The following PIGR variants were observed in gnomAD, a reference collection of about 807,000 sequenced individuals.
PIGR encodes the protein polymeric immunoglobulin receptor.
Under a neutral mutation model 69.5 loss-of-function variants are expected in PIGR, and 22 were observed. The ratio of observed to expected loss-of-function variants is 0.32; its 90% CI spans 0.23 to 0.45. The LOEUF is 0.45. PIGR is among the 20% of genes least tolerant of loss of function. PIGR has a pLI of 1.00. For missense variants in PIGR, 885 were observed against 974.0 expected (o/e 0.91, Z 1.22); for synonymous variants, 413 against 407.6 (o/e 1.01, Z -0.16).
At chr1:206,933,579 A>G (rs573097683) in intron 6 of PIGR, among the ~76,000 whole-genome samples, 2 of 152,348 alleles carry the variant, frequency 1.3e-5, no homozygotes, top group South Asian at 4.1e-4. Flanking sequence ...TCCAGACCCA[A>G]TAGGATTTCT....
chr1:206,944,409 G>A (rs1680061256), intron 1 of PIGR, among the ~76,000 whole-genome samples: 1 of 152,136 alleles, frequency 6.6e-6, no homozygotes, highest in East Asian at 1.9e-4. Flanking sequence ...GGAGGTGGAG[G>A]TTGCAGTAAG....
chr1:206,934,369 AAGTCC>A, intron 6 of PIGR, 46 bp downstream of exon 6: 1 of 1,491,110 alleles, frequency 6.7e-7, no homozygotes, highest in Middle Eastern at 1.9e-4. Context: ...GGCCTTCAGG[AAGTCC>A]TGCCTCTGGG....
At chr1:206,937,785 C>T in intron 3 of PIGR, 34 bp from the exon 4 acceptor site, 3 of 1,593,188 alleles carry the variant, frequency 1.9e-6, no homozygotes, top group Non-Finnish European at 1.7e-6. Context: ...AGGGGGCAGG[C>T]AAGTTACGAT....
intron 1 of PIGR, among the ~76,000 whole-genome samples, chr1:206,944,343 T>C (rs532534): frequency 0.57 from 86,510 of 151,862 alleles, 27,157 homozygotes; most frequent in African/African-American, 0.86. Flanking sequence ...TGTGGTGGCA[T>C]GGGTCTGTAA....
intron 8 of PIGR, 104 bp downstream of exon 8, chr1:206,932,352 G>A: frequency 7.6e-7 from 1 of 1,317,766 alleles, no homozygotes. Context: ...CTTTGTTTTA[G>A]CTCATGAAAA....
In PIGR at chr1:206,931,722, T is replaced by G; in HGVS notation, c.2089A>C (p.Asn697His). 2.5e-6 allele frequency: 4 copies of G among 1,614,170 alleles called. No individual in the cohort carries two copies. The highest frequency in any genetic ancestry group is 3.4e-6 in the Non-Finnish European group (4 of 1,180,014). Residue 697 changes from asparagine (N) to histidine (H), a missense_variant, in exon 9 of 11, where the codon AAC becomes CAC. Physicochemically the swap from Asn to His is moderately conservative, Grantham distance 68. Coordinates refer to ENST00000356495, the MANE Select transcript of PIGR (RefSeq NM_002644.4). ...ENSREFGANDNMGASSITQET... is the reference protein window; with the variant it reads ...ENSREFGANDHMGASSITQET... ...TGAGTGATCGAAGAGGCTCCCATGTTGTCATTGGCTCCAAATTCCCTGGAG... is the reference window on the plus strand; with the variant it reads ...TGAGTGATCGAAGAGGCTCCCATGTGGTCATTGGCTCCAAATTCCCTGGAG...
rs1055440575 is a variant in PIGR, at chr1:206,931,572, G to C, written c.2141-17C>G. 1.9e-6 allele frequency: 3 copies of C among 1,613,628 alleles called. No homozygotes were observed. The highest frequency in any genetic ancestry group is 1.7e-5 in the Admixed American group (1 of 59,968). On this transcript the variant is annotated splice_polypyrimidine_tract_variant and intron_variant, in intron 9 of 10. Coordinates refer to ENST00000356495, the MANE Select transcript of PIGR (RefSeq NM_002644.4). The stretch of plus-strand genomic sequence containing the variant: ...CAACAAACTCTGTGTGAAGAAAGAG[G>C]GTAGGTTAGCCCTTACTAGCCTCCT...
In PIGR at chr1:206,932,477, C is replaced by G; in HGVS notation, c.1987G>C (p.Ala663Pro). 1 of 1,612,532 alleles carries G rather than the reference C, an allele frequency of 6.2e-7. No homozygotes were observed. The highest frequency in any genetic ancestry group is 8.5e-7 in the Non-Finnish European group (1 of 1,179,846). ...VGAVAVGVAR[A>P]RHRKNVDRVS... The stretch of plus-strand genomic sequence containing the variant: ...TCACCGACGTTCTTCCTGTGCCGGG[C>G]TCTGGCCACCCCCACAGCCACGGCT... Residue 663 changes from alanine (A) to proline (P), a missense_variant, in exon 8 of 11, where the codon GCC becomes CCC. Physicochemically the swap from Ala to Pro is conservative, Grantham distance 27. Coordinates refer to ENST00000356495, the MANE Select transcript of PIGR (RefSeq NM_002644.4).
Position 206,937,725 on chromosome 1 carries a change from C to T in PIGR, c.415G>A (p.Val139Ile). Residue 139 changes from valine (V) to isoleucine (I), a missense_variant, in exon 4 of 11, where the codon GTC becomes ATC. Coordinates refer to ENST00000356495, the MANE Select transcript of PIGR (RefSeq NM_002644.4). ...GTTCTGCCCAGGTCCACTGTGTAGACTTTAGTGTCATTTAGGAGCCCAGGA... is the reference window on the plus strand; with the variant it reads ...GTTCTGCCCAGGTCCACTGTGTAGATTTTAGTGTCATTTAGGAGCCCAGGA... ...QGPGLLNDTK[V>I]YTVDLGRTVT... 6.2e-7 allele frequency: 1 copy of T among 1,613,956 alleles called. No individual in the cohort carries two copies. The highest frequency in any genetic ancestry group is 1.1e-5 in the South Asian group (1 of 91,020).
rs151098348 is a variant in PIGR, at chr1:206,937,688, T to C, written c.452A>G (p.Asn151Ser). 6.8e-6 allele frequency: 11 copies of C among 1,613,924 alleles called. No homozygotes were observed. The highest frequency in any genetic ancestry group is 1.3e-5 in the African/African-American group (1 of 74,926). The change falls in exon 4 of 11, where the codon AAC becomes AGC. Residue 151 changes from asparagine (N) to serine (S), a missense_variant. Transcript: ENST00000356495. ...AGCATTCTCAGTCTTGAAAGGGCAG[T>C]TGATGGTCACCGTTCTGCCCAGGTC... ...TVDLGRTVTI[N>S]CPFKTENAQK...
intron 1 of PIGR, among the ~76,000 whole-genome samples, chr1:206,940,806 C>T (rs1679967711): frequency 6.6e-6 from 1 of 152,234 alleles, no homozygotes; most frequent in African/African-American, 2.4e-5. Flanking sequence ...GTCTTCTCAA[C>T]TAAGCTGCAA....
At position 206,944,118 on chromosome 1, in the gene PIGR, G is replaced by A. The variant is rs1481760307; in HGVS notation, c.-54+2218C>T. Among the ~76,000 whole-genome samples the A allele has an allele frequency of 2.0e-5, 3 of 152,216 alleles. No individual in the cohort carries two copies. The East Asian group carries it at 5.8e-4, about 29-fold the overall frequency. On this transcript the variant is annotated intron_variant, in intron 1 of 10. Transcript: ENST00000356495. Reference sequence around the variant, plus strand: ...GGAAGAAGCAGGATATTCAATCTTAGCGAACTGAGAATTTGTTCAGTTCTT... The same window carrying A: ...GGAAGAAGCAGGATATTCAATCTTAACGAACTGAGAATTTGTTCAGTTCTT...
In PIGR at chr1:206,933,158, C is replaced by T. The variant is rs549356645; in HGVS notation, c.1714G>A (p.Asp572Asn). The change falls in exon 7 of 11, where the codon GAT becomes AAT. Residue 572 changes from aspartate (D) to asparagine (N), a missense_variant. Asp to Asn is a conservative substitution (Grantham distance 23). Transcript: ENST00000356495. ...GCGTCTGCCTTCGCTAGGCTGACATCGCGGGACCCTGCAGCAGGGAAGAGT... is the reference window on the plus strand; with the variant it reads ...GCGTCTGCCTTCGCTAGGCTGACATTGCGGGACCCTGCAGCAGGGAAGAGT... ...VEERKAAGSR[D>N]VSLAKADAAP... 5.6e-6 allele frequency: 9 copies of T among 1,614,074 alleles called. No individual in the cohort carries two copies. The highest frequency in any genetic ancestry group is 1.3e-5 in the African/African-American group (1 of 75,030).
At chr1:206,939,084 T>G in intron 3 of PIGR, 35 bp downstream of exon 3, 1 of 1,548,638 alleles carries the variant, frequency 6.5e-7, no homozygotes, top group Non-Finnish European at 8.8e-7. Context: ...TCCCTCTAAC[T>G]TTCCCCCAGA....
Position 206,932,516 on chromosome 1 carries a change from C to A in PIGR, c.1948G>T (p.Val650Leu). 1 of 1,613,746 alleles carries A rather than the reference C, an allele frequency of 6.2e-7. No individual in the cohort carries two copies. The highest frequency in any genetic ancestry group is 1.7e-5 in the Admixed American group (1 of 60,004). The stretch of plus-strand genomic sequence containing the variant: ...ACAGCCACGGCTCCCACTGCCAGCA[C>A]CAGGCCCAGGGGCACCAGGGTGGAG... ...LVSTLVPLGL[V>L]LAVGAVAVGV... The change falls in exon 8 of 11, where the codon GTG (valine) becomes TTG (leucine). Residue 650 changes from valine to leucine, a missense_variant. Coordinates refer to ENST00000356495, the MANE Select transcript of PIGR (RefSeq NM_002644.4).
Position 206,937,327 on chromosome 1 carries a change from G to A in PIGR, c.813C>T (p.Cys271=), listed in dbSNP as rs976486515. 9.9e-6 allele frequency: 16 copies of A among 1,612,766 alleles called. No individual in the cohort carries two copies. The highest frequency in any genetic ancestry group is 1.3e-5 in the Non-Finnish European group (15 of 1,179,238). Residue 271 remains cysteine (C), a synonymous_variant, in exon 4 of 11, where the codon TGC becomes TGT. Transcript: ENST00000356495. ...CACAGTTTTCCCCACTGCTCTGTCGGCACAGAAATTTGGCCACGTTTGCCA... is the reference window on the plus strand; with the variant it reads ...CACAGTTTTCCCCACTGCTCTGTCGACACAGAAATTTGGCCACGTTTGCCA... The part of the protein sequence containing the change: ...PEVANVAKFL[C]RQSSGENCDV...
intron 4 of PIGR, 95 bp downstream of exon 4, chr1:206,937,000 T>G: frequency 8.6e-7 from 1 of 1,166,536 alleles, no homozygotes; most frequent in Non-Finnish European, 1.2e-6. Context: ...GTTGGCTGAT[T>G]GATGACTATT....
In PIGR at chr1:206,935,055, A is replaced by C. The variant is rs1195218602; in HGVS notation, c.1379-309T>G. Among the ~76,000 whole-genome samples, 4 of 152,242 alleles carry C rather than the reference A, an allele frequency of 2.6e-5. No individual in the cohort carries two copies. The East Asian group carries it at 7.7e-4, about 29-fold the overall frequency. On this transcript the variant is annotated intron_variant, in intron 5 of 10. Coordinates refer to ENST00000356495, the MANE Select transcript of PIGR (RefSeq NM_002644.4). The surrounding 1 kb of genome is among the most constrained non-coding windows in gnomAD (Gnocchi z 4.4). ...TCCTCTTTGGATAGCATTAGAAATA[A>C]GTATGTTATTCTGACTACAGAAGAA...
rs1006230836 is a variant in PIGR, at chr1:206,944,841, G to A, written c.-54+1495C>T. ...AAAATGGCTGTACCAAAACCTCATC[G>A]TTCAAACTTGCTGGTGACTTCACAC... is the stretch of plus-strand genomic sequence containing the variant. On this transcript the variant is annotated intron_variant, in intron 1 of 10. Coordinates refer to ENST00000356495, the MANE Select transcript of PIGR (RefSeq NM_002644.4). 1.2e-4 allele frequency among the ~76,000 whole-genome samples: 19 copies of A among 152,232 alleles called. 1 individual carries two copies. Among genetic ancestry groups the A allele is most frequent in the Admixed American group, 1.2e-3 (18 of 15,284 alleles).
Sources: gnomAD v4.1 joint callset for allele counts (sites outside exome capture counted in the v4.1 genomes callset) on GRCh38, gnomAD v4.1.1 for gene constraint, Gnocchi (gnomAD v3.1) non-coding constraint, MANE v1.5 for transcripts, NCBI Gene and HGNC (gene_info 2026-07-23, HGNC 2026-07-21) for gene names.